The following BTBD10 variants were observed in gnomAD, a reference collection of about 807,000 sequenced individuals.
The protein encoded by BTBD10 is BTB domain containing 10, also known as BTB/POZ domain-containing protein 10.
A neutral mutation model predicts 53.2 loss-of-function variants in BTBD10; 21 were observed. The ratio of observed to expected loss-of-function variants is 0.39; its 90% CI spans 0.28 to 0.57. The LOEUF is 0.57. Ranked by LOEUF, BTBD10 falls within the 20% of genes least tolerant of loss-of-function variation. The pLI is 0.53. For missense variants in BTBD10, 360 were observed against 594.7 expected (o/e 0.61, Z 4.10); for synonymous variants, 149 against 192.7 (o/e 0.77, Z 1.88).
intron 2 of BTBD10, among the ~76,000 whole-genome samples, chr11:13,432,185 G>C (rs575663194): frequency 1.3e-5 from 2 of 152,172 alleles, no homozygotes; most frequent in African/African-American, 4.8e-5. Context: ...AACCAAATTA[G>C]GGGTTGCCAG....
chr11:13,413,258 G>T (rs1206010645), intron 6 of BTBD10, among the ~76,000 whole-genome samples: 1 of 152,032 alleles, frequency 6.6e-6, no homozygotes. Flanking sequence ...GATAAAACTG[G>T]TAACAAATAA....
intron 4 of BTBD10, among the ~76,000 whole-genome samples, chr11:13,417,851 T>A (rs1950151981): frequency 6.6e-6 from 1 of 152,066 alleles, no homozygotes; most frequent in South Asian, 2.1e-4. Context: ...AATGAAGAAA[T>A]AAGACAAGGG....
chr11:13,440,491 G>A (rs907265024), intron 2 of BTBD10, among the ~76,000 whole-genome samples: 3 of 152,174 alleles, frequency 2.0e-5, no homozygotes, highest in Non-Finnish European at 2.9e-5. Context: ...AAATTTTATT[G>A]TGTATCCATT....
chr11:13,459,593 C>G (rs1485592146), intron 1 of BTBD10: 1 of 152,168 alleles, frequency 6.6e-6, no homozygotes, highest in Non-Finnish European at 1.5e-5. Flanking sequence ...AGGATCCAAA[C>G]AGATGATGGT....
intron 2 of BTBD10, among the ~76,000 whole-genome samples, chr11:13,423,468 T>TAA (rs1950281141): frequency 3.9e-5 from 6 of 152,302 alleles, no homozygotes; most frequent in Admixed American, 3.9e-4. Context: ...CATGAAATGT[T>TAA]AGTTTATTTA....
At position 13,446,487 on chromosome 11, in the gene BTBD10, A is replaced by G. The variant is rs527535565; in HGVS notation, c.-57-1306T>C. ...TACCTTCTTTCTAAAAACAGCTGAA[A>G]ATTTTATAATAAATGAGCATTTAAT... is the stretch of plus-strand genomic sequence containing the variant. On this transcript the variant is annotated intron_variant, in intron 1 of 8. Transcript: ENST00000278174. Among the ~76,000 whole-genome samples the G allele has an allele frequency of 1.6e-4, 24 of 152,288 alleles. 1 individual carries two copies. The South Asian group carries it at 4.6e-3, about 29-fold the overall frequency.
chr11:13,411,282 G>A (rs527836018), intron 6 of BTBD10, among the ~76,000 whole-genome samples: 4 of 152,300 alleles, frequency 2.6e-5, no homozygotes, highest in Non-Finnish European at 4.4e-5. Flanking sequence ...GAGAGAACAT[G>A]CAAGCAAATT....
chr11:13,388,692 T>TA lies in BTBD10; in HGVS notation c.*138dup. 1 of 952,496 alleles carries TA rather than the reference T, an allele frequency of 1.0e-6. No individual in the cohort carries two copies. Among genetic ancestry groups the TA allele is most frequent in the South Asian group, 1.9e-5 (1 of 52,082 alleles). 59.0% of individuals were successfully genotyped at this position (952,496 alleles called of 1,614,324 possible). A position where few individuals can be genotyped will look rare whatever the true frequency, so the allele number is the denominator to read the frequency against. On this transcript the variant is annotated 3_prime_UTR_variant, in exon 9 of 9. Coordinates refer to ENST00000278174, the MANE Select transcript of BTBD10 (RefSeq NM_032320.7). ...AAACCATTCAGCTACCTTTGGTCTT[T>TA]AAAAAAGCCTACACTGCAATATCCT... is the stretch of plus-strand genomic sequence containing the variant.
intron 2 of BTBD10, chr11:13,439,874 G>A (rs1310841780): frequency 1.3e-6 from 2 of 1,513,028 alleles, no homozygotes; most frequent in Non-Finnish European, 1.8e-6. Flanking sequence ...TGTAATAAAT[G>A]AATACACACC....
chr11:13,395,081 T>C (rs1949505785), intron 8 of BTBD10, among the ~76,000 whole-genome samples: 1 of 147,162 alleles, frequency 6.8e-6, no homozygotes. Flanking sequence ...CTGGGTCAAA[T>C]GGTATTTCTA....
In BTBD10 at chr11:13,463,209, A is replaced by C. The variant is rs1469211798; in HGVS notation, c.-175T>G. Reference sequence around the variant, plus strand: ...TCCGGAGGTGGCTGTGGAGGAAGCCACTGAGGCGGCTGCGCGTAGCGGAGC... The same window carrying C: ...TCCGGAGGTGGCTGTGGAGGAAGCCCCTGAGGCGGCTGCGCGTAGCGGAGC... On this transcript the variant is annotated 5_prime_UTR_variant, in exon 1 of 9. Transcript: ENST00000278174. 6.8e-6 allele frequency: 1 copy of C among 147,740 alleles called. No homozygotes were observed. The highest frequency in any genetic ancestry group is 2.5e-5 in the African/African-American group (1 of 40,600). 9.2% of individuals were successfully genotyped at this position (147,740 alleles called of 1,614,324 possible). A position where few individuals can be genotyped will look rare whatever the true frequency, so the allele number is the denominator to read the frequency against.
chr11:13,440,346 T>A (rs1950622769), intron 2 of BTBD10: 8 of 1,060,242 alleles, frequency 7.5e-6, no homozygotes, highest in Non-Finnish European at 9.2e-6. Context: ...TAGACAGGCA[T>A]AACAAAACGC....
intron 2 of BTBD10, among the ~76,000 whole-genome samples, chr11:13,433,845 T>A (rs1025917347): frequency 6.6e-6 from 1 of 152,216 alleles, no homozygotes; most frequent in Non-Finnish European, 1.5e-5. Flanking sequence ...ATATAAAAAA[T>A]GCTATCAAAC....
At chr11:13,435,805 T>C (rs748663561) in intron 2 of BTBD10, among the ~76,000 whole-genome samples, 3 of 152,202 alleles carry the variant, frequency 2.0e-5, no homozygotes, top group Non-Finnish European at 4.4e-5. Context: ...AACAGATTTC[T>C]AAAGACAAAT....
At chr11:13,430,903 C>T (rs79060983) in intron 2 of BTBD10, among the ~76,000 whole-genome samples, 103 of 151,354 alleles carry the variant, frequency 6.8e-4, no homozygotes, top group African/African-American at 2.4e-3. Context: ...TTACAAAGGG[C>T]ACCAAAGAAG....
intron 2 of BTBD10, among the ~76,000 whole-genome samples, chr11:13,437,877 A>G (rs1414262747): frequency 6.6e-6 from 1 of 152,162 alleles, no homozygotes; most frequent in Non-Finnish European, 1.5e-5. Context: ...ATCACAAATA[A>G]TAACAATAAT....
chr11:13,451,497 C>T (rs750549467), intron 1 of BTBD10, among the ~76,000 whole-genome samples: 28 of 152,222 alleles, frequency 1.8e-4, no homozygotes, highest in Non-Finnish European at 3.4e-4. Context: ...GAAAAGCCTT[C>T]CCTTTGCCCT....
At chr11:13,420,648 T>A (rs1388416795) in intron 3 of BTBD10, among the ~76,000 whole-genome samples, 1 of 152,172 alleles carries the variant, frequency 6.6e-6, no homozygotes, top group African/African-American at 2.4e-5. Flanking sequence ...TGACTCAAAC[T>A]ACTTAGAACA....
intron 1 of BTBD10, among the ~76,000 whole-genome samples, chr11:13,461,081 C>A (rs1185813356): frequency 2.0e-5 from 3 of 152,142 alleles, no homozygotes; most frequent in Admixed American, 6.5e-5. Flanking sequence ...CTACTGTTTT[C>A]AATTAGATGT....
Sources: allele counts gnomAD v4.1 joint callset (sites outside exome capture counted in the v4.1 genomes callset), GRCh38; gene constraint gnomAD v4.1.1; transcripts MANE v1.5; gene names NCBI Gene and HGNC (gene_info 2026-07-23, HGNC 2026-07-21).